The following INAVA variants were observed in gnomAD, a reference collection of about 807,000 sequenced individuals.
The protein encoded by INAVA is innate immunity activator protein.
A neutral mutation model predicts 55.3 loss-of-function variants in INAVA; 32 were observed. That is an observed-to-expected ratio of 0.58 (90% CI 0.44 to 0.78). The LOEUF (loss-of-function observed/expected upper bound fraction) is 0.78. Ranked by LOEUF, INAVA falls within the 30% of genes least tolerant of loss-of-function variation. The pLI is 0.00. For missense variants in INAVA, 756 were observed against 786.4 expected (o/e 0.96, Z 0.46); for synonymous variants, 294 against 329.4 (o/e 0.89, Z 1.16).
intron 1 of INAVA, among the ~76,000 whole-genome samples, chr1:200,897,789 C>G (rs1054599189): frequency 2.6e-5 from 4 of 152,076 alleles, no homozygotes; most frequent in Non-Finnish European, 4.4e-5. Flanking sequence ...ACCACTATGC[C>G]CAGCTAAGTT....
chr1:200,913,641 A>C lies in INAVA; in HGVS notation c.*12A>C. 11 of 1,610,212 alleles carry C rather than the reference A, an allele frequency of 6.8e-6. No individual in the cohort carries two copies. The highest frequency in any genetic ancestry group is 8.5e-6 in the Non-Finnish European group (10 of 1,177,544). ...TCAGCCAGGTGTAACTCTGCGCCCC[A>C]CGCTGGAAAAAACTGTTTCATAGAG... On this transcript the variant is annotated 3_prime_UTR_variant, in exon 10 of 10. Coordinates refer to ENST00000413687, the MANE Select transcript of INAVA (RefSeq NM_001142569.3).
chr1:200,913,565 C>T lies in INAVA; in HGVS notation c.1673C>T (p.Ser558Leu), dbSNP rs751005116. The T allele has an allele frequency of 4.0e-5, 65 of 1,613,948 alleles. No individual in the cohort carries two copies. The highest frequency in any genetic ancestry group is 9.3e-5 in the African/African-American group (7 of 74,874). The change falls in exon 10 of 10, where the codon TCG becomes TTG. Residue 558 changes from serine (S) to leucine (L), a missense_variant. Coordinates refer to ENST00000413687, the MANE Select transcript of INAVA (RefSeq NM_001142569.3). ...CCCACAGTTTGTGTGCTGCGGAGAT[C>T]GCCTGATGGGGCCCCTGTGCAAGTC... ...QVPTVCVLRR[S>L]PDGAPVQVFV...
At chr1:200,898,228 T>C (rs936230872) in intron 1 of INAVA, 79 bp from the exon 2 acceptor site, 1 of 1,481,576 alleles carries the variant, frequency 6.7e-7, no homozygotes, top group African/African-American at 1.4e-5. Flanking sequence ...TCCCCTGCTC[T>C]CAAGCATCTA....
At chr1:200,892,541 G>T, upstream of INAVA, among the ~76,000 whole-genome samples, 1 of 152,200 alleles carries the variant, frequency 6.6e-6, no homozygotes, top group East Asian at 1.9e-4. Flanking sequence ...GCTCTTGTCT[G>T]CAAAGATCAG....
chr1:200,898,640 C>G (rs1653069539), intron 2 of INAVA, among the ~76,000 whole-genome samples, 185 bp downstream of exon 2: 1 of 152,120 alleles, frequency 6.6e-6, no homozygotes, highest in Non-Finnish European at 1.5e-5. Flanking sequence ...AGGGCTGGAG[C>G]CTCAGGGACA....
chr1:200,913,635 C>A lies in INAVA; in HGVS notation c.*6C>A, dbSNP rs745862422. ...AGATCATCAGCCAGGTGTAACTCTG[C>A]GCCCCACGCTGGAAAAAACTGTTTC... On this transcript the variant is annotated 3_prime_UTR_variant, in exon 10 of 10. Coordinates refer to ENST00000413687, the MANE Select transcript of INAVA (RefSeq NM_001142569.3). 3.2e-5 allele frequency: 51 copies of A among 1,611,358 alleles called. No homozygotes were observed. The highest frequency in any genetic ancestry group is 4.0e-5 in the Non-Finnish European group (47 of 1,178,236).
In INAVA at chr1:200,894,902, C is replaced by T; in HGVS notation, c.-280C>T. The T allele has an allele frequency of 6.1e-6, 6 of 985,824 alleles. No individual in the cohort carries two copies. In the South Asian group the frequency reaches 1.4e-4, roughly 23 times the overall value. The allele number at this position is 985,824 out of a possible 1,614,324, so 61.1% of individuals were successfully genotyped here. ...AAGTAACCTGGTTCCCCTGGCCCGG[C>T]AGCCTGGGAGGGACGGCAAGGTAGG... On this transcript the variant is annotated 5_prime_UTR_variant, in exon 1 of 10. Coordinates refer to ENST00000413687, the MANE Select transcript of INAVA (RefSeq NM_001142569.3).
At chr1:200,901,259 C>G in intron 5 of INAVA, 100 bp downstream of exon 5, 1 of 1,167,188 alleles carries the variant, frequency 8.6e-7, no homozygotes, top group African/African-American at 1.6e-5. Context: ...TTGGCTCCAG[C>G]TGGGTAAAGC....
Position 200,908,772 on chromosome 1 carries a change from C to G in INAVA, c.617C>G (p.Pro206Arg), listed in dbSNP as rs1348556412. 1.2e-6 allele frequency: 2 copies of G among 1,608,404 alleles called. No individual in the cohort carries two copies. Among genetic ancestry groups the G allele is most frequent in the Non-Finnish European group, 1.7e-6 (2 of 1,177,396 alleles). Reference sequence around the variant, plus strand: ...AAACCTCCTCCAGAGTCTCCAGCCCCACCTTCTCGGCCTCTCCCACCCCAA... The same window carrying G: ...AAACCTCCTCCAGAGTCTCCAGCCCGACCTTCTCGGCCTCTCCCACCCCAA... The part of the protein sequence containing the change: ...VPKPPPESPA[P>R]PSRPLPPQTL... Residue 206 changes from proline (P) to arginine (R), a missense_variant, in exon 7 of 10, where the codon CCA becomes CGA. Transcript: ENST00000413687.
upstream of INAVA, among the ~76,000 whole-genome samples, chr1:200,894,379 T>A (rs75775571): frequency 0.016 from 2,508 of 152,296 alleles, 65 homozygotes; most frequent in African/African-American, 0.057. Context: ...ATTCTAGAAC[T>A]TCTGCATATT....
chr1:200,891,680 G>T (rs1460327803), upstream of INAVA: 1 of 1,483,324 alleles, frequency 6.7e-7, no homozygotes, highest in Admixed American at 2.5e-5. Flanking sequence ...CAGGCGGGCG[G>T]CGCCAGAGCT....
rs1411235480 is a variant in INAVA at position 200,901,108 on chromosome 1, C to G, written c.469C>G (p.Arg157Gly). The G allele has an allele frequency of 2.0e-6, 3 of 1,534,182 alleles. No homozygotes were observed. Among genetic ancestry groups the G allele is most frequent in the Admixed American group, 2.0e-5 (1 of 50,808 alleles). Residue 157 changes from arginine (R) to glycine (G), a missense_variant, in exon 5 of 10, where the codon CGG becomes GGG. Around this residue, in one of 2 missense-constraint regions of INAVA, gnomAD observed 639 missense variants for 624.3 expected, o/e 1.02. Coordinates refer to ENST00000413687, the MANE Select transcript of INAVA (RefSeq NM_001142569.3). The stretch of plus-strand genomic sequence containing the variant: ...GGAGCTCCAGCGCTGCCTGGTCGAG[C>G]GGCGGCGCAATAGCGAGCCACCTCC... ...LQELQRCLVE[R>G]RRNSEPPPAA...
chr1:200,900,433 A>C (rs1653195523), intron 4 of INAVA, among the ~76,000 whole-genome samples: 1 of 152,218 alleles, frequency 6.6e-6, no homozygotes, highest in Non-Finnish European at 1.5e-5. Flanking sequence ...CTGGGAGCTC[A>C]AGGGAGGACA....
At chr1:200,899,891 T>C (rs1405992140) in intron 3 of INAVA, among the ~76,000 whole-genome samples, 1 of 152,194 alleles carries the variant, frequency 6.6e-6, no homozygotes, top group Non-Finnish European at 1.5e-5. Context: ...GGTGTAGCTC[T>C]GGAGGAAGTG....
intron 1 of INAVA, 130 bp from the exon 2 acceptor site, chr1:200,898,177 C>T: frequency 2.0e-6 from 2 of 976,668 alleles, no homozygotes; most frequent in East Asian, 2.5e-5. Flanking sequence ...GCCAGAATCT[C>T]CTGCCCCAGA....
chr1:200,891,779 G>A, upstream of INAVA: 1 of 1,120,962 alleles, frequency 8.9e-7, no homozygotes, highest in Non-Finnish European at 1.2e-6. Flanking sequence ...ACGGTCTTCA[G>A]CCTTAGCGGA....
chr1:200,905,333 C>A (rs1028602489), intron 5 of INAVA, among the ~76,000 whole-genome samples: 1 of 152,086 alleles, frequency 6.6e-6, no homozygotes, highest in Non-Finnish European at 1.5e-5. Flanking sequence ...ATCTCTTGGG[C>A]CCAGGAGTAT....
rs1326990600 is a variant in INAVA, at chr1:200,900,088, T to G, written c.181-16T>G. ...GCAGGTGGAGAGGACCTGGCTGGTCTCTGCTTCCTCCCCAGGAGCTGACGG... is the reference window on the plus strand; with the variant it reads ...GCAGGTGGAGAGGACCTGGCTGGTCGCTGCTTCCTCCCCAGGAGCTGACGG... On this transcript the variant is annotated splice_polypyrimidine_tract_variant and intron_variant, in intron 3 of 9. Coordinates refer to ENST00000413687, the MANE Select transcript of INAVA (RefSeq NM_001142569.3). The G allele has an allele frequency of 6.2e-7, 1 of 1,600,264 alleles. No homozygotes were observed. Among genetic ancestry groups the G allele is most frequent in the Non-Finnish European group, 8.5e-7 (1 of 1,172,272 alleles).
intron 7 of INAVA, 37 bp downstream of exon 7, chr1:200,908,977 G>A: frequency 6.3e-7 from 1 of 1,587,674 alleles, no homozygotes; most frequent in Non-Finnish European, 8.6e-7. Flanking sequence ...GCAGGGCAGG[G>A]CAGGGAGTCG....
Sources: allele counts gnomAD v4.1 joint callset (sites outside exome capture counted in the v4.1 genomes callset), GRCh38; gene constraint gnomAD v4.1.1; regional missense constraint gnomAD v4.1.1; transcripts MANE v1.5; gene names NCBI Gene and HGNC (gene_info 2026-07-23, HGNC 2026-07-21).